The following CACNA2D3 variants were observed in gnomAD, a reference collection of about 807,000 sequenced individuals.
CACNA2D3 encodes calcium voltage-gated channel auxiliary subunit alpha2delta 3.
In CACNA2D3, 60 loss-of-function variants were observed where a neutral mutation model predicts 160.6. The observed-to-expected ratio is 0.37, with a 90% CI of 0.30 to 0.46. The LOEUF is 0.46. CACNA2D3 is among the 20% of genes least tolerant of loss of function. The pLI is 1.00. For synonymous variants in CACNA2D3, 558 were observed against 492.9 expected (o/e 1.13, Z -1.75); for missense variants, 1,205 against 1,365.0 (o/e 0.88, Z 1.85).
intron 5 of CACNA2D3, among the ~76,000 whole-genome samples, chr3:54,539,805 G>T (rs956712574): frequency 9.2e-5 from 14 of 152,176 alleles, no homozygotes; most frequent in African/African-American, 2.9e-4. Context: ...TGTTTAACTG[G>T]GAGACTGGTG....
intron 3 of CACNA2D3, among the ~76,000 whole-genome samples, chr3:54,332,614 C>A (rs921198478): frequency 2.0e-5 from 3 of 150,750 alleles, no homozygotes; most frequent in Non-Finnish European, 4.4e-5. Context: ...TAATGCCTGT[C>A]GGGAGTGGGA....
intron 17 of CACNA2D3, among the ~76,000 whole-genome samples, chr3:54,859,972 G>GCGCACGCACACA (rs535185040): frequency 1.5e-5 from 2 of 133,788 alleles, no homozygotes; most frequent in African/African-American, 5.6e-5. Flanking sequence ...GAAAGTAGAT[G>GCGCACGCACACA]CACACACACA....
chr3:54,834,203 G>GA (rs1015606200), intron 14 of CACNA2D3, among the ~76,000 whole-genome samples: 5 of 152,082 alleles, frequency 3.3e-5, no homozygotes, highest in African/African-American at 9.7e-5. Context: ...CTGGTTGCAG[G>GA]AAAAAGGCTT....
intron 4 of CACNA2D3, among the ~76,000 whole-genome samples, chr3:54,452,689 A>T (rs1293220378): frequency 1.3e-5 from 2 of 152,194 alleles, no homozygotes; most frequent in East Asian, 3.9e-4. Flanking sequence ...GGGCTTCTGT[A>T]ACAAAATACC....
At chr3:54,334,298 G>A (rs985459265) in intron 3 of CACNA2D3, among the ~76,000 whole-genome samples, 3 of 152,126 alleles carry the variant, frequency 2.0e-5, no homozygotes, top group Non-Finnish European at 4.4e-5. Flanking sequence ...TGTTGGCCAG[G>A]CTGGTCTTGA....
chr3:54,471,589 T>G lies in CACNA2D3; in HGVS notation c.382-31903T>G, dbSNP rs537627849. On this transcript the variant is annotated intron_variant, in intron 4 of 37. Coordinates refer to ENST00000474759, the MANE Select transcript of CACNA2D3 (RefSeq NM_018398.3). Reference sequence around the variant, plus strand: ...AAGGAGATAGAGATACGAAAACTCTTCAAAATAATCAGTGAATCCAGGAGC... The same window carrying G: ...AAGGAGATAGAGATACGAAAACTCTGCAAAATAATCAGTGAATCCAGGAGC... Among the ~76,000 whole-genome samples the G allele has an allele frequency of 8.5e-5, 13 of 152,050 alleles. No individual in the cohort carries two copies. In the South Asian group the frequency reaches 1.9e-3, roughly 22 times the overall value.
chr3:54,172,013 G>A (rs1700580953), intron 2 of CACNA2D3, among the ~76,000 whole-genome samples: 1 of 152,184 alleles, frequency 6.6e-6, no homozygotes, highest in Non-Finnish European at 1.5e-5. Flanking sequence ...CAAAGAGAAA[G>A]CTCTCTCTTA....
At chr3:54,709,881 T>A (rs1210988290) in intron 11 of CACNA2D3, among the ~76,000 whole-genome samples, 1 of 152,186 alleles carries the variant, frequency 6.6e-6, no homozygotes, top group Non-Finnish European at 1.5e-5. Flanking sequence ...AGCCATGGAT[T>A]GCCACTGCAC....
intron 11 of CACNA2D3, among the ~76,000 whole-genome samples, chr3:54,680,111 T>C (rs531699942): frequency 6.6e-6 from 1 of 152,212 alleles, no homozygotes; most frequent in Admixed American, 6.5e-5. Flanking sequence ...TAGGGCATGG[T>C]TGGGGGAGGT....
chr3:54,463,365 G>A (rs1700545099), intron 4 of CACNA2D3, among the ~76,000 whole-genome samples: 1 of 152,218 alleles, frequency 6.6e-6, no homozygotes, highest in African/African-American at 2.4e-5. Context: ...ATATCCTGCA[G>A]AGTGTTTTCC....
At chr3:54,390,937 C>T (rs551942998) in intron 4 of CACNA2D3, among the ~76,000 whole-genome samples, 2 of 151,920 alleles carry the variant, frequency 1.3e-5, no homozygotes, top group Admixed American at 1.3e-4. Context: ...TGTGAAATAA[C>T]GCTGAGAAGG....
At chr3:54,955,847 C>A (rs1701876281) in intron 27 of CACNA2D3, among the ~76,000 whole-genome samples, 1 of 152,144 alleles carries the variant, frequency 6.6e-6, no homozygotes, top group Non-Finnish European at 1.5e-5. Flanking sequence ...CCAGCTAAGC[C>A]TGCTCACGAA....
chr3:54,924,228 T>C (rs1032002514), intron 27 of CACNA2D3, among the ~76,000 whole-genome samples: 1 of 152,096 alleles, frequency 6.6e-6, no homozygotes, highest in Non-Finnish European at 1.5e-5. Flanking sequence ...GAGAGAAAAA[T>C]ATCCCAGAGA....
At chr3:54,522,608 G>A (rs1027449171) in intron 5 of CACNA2D3, among the ~76,000 whole-genome samples, 3 of 152,134 alleles carry the variant, frequency 2.0e-5, no homozygotes, top group Non-Finnish European at 4.4e-5. Context: ...CAGAGACTGG[G>A]AAGTCCAAGA....
intron 2 of CACNA2D3, among the ~76,000 whole-genome samples, chr3:54,302,456 A>G (rs1399845136): frequency 1.3e-5 from 2 of 152,144 alleles, no homozygotes; most frequent in Admixed American, 6.5e-5. Context: ...GCTTCCAGGG[A>G]AAAATTCGGC....
chr3:54,512,757 C>G (rs1297335776), intron 5 of CACNA2D3, among the ~76,000 whole-genome samples: 3 of 152,176 alleles, frequency 2.0e-5, no homozygotes, highest in Non-Finnish European at 4.4e-5. Context: ...TCCCAGGAAG[C>G]TTGGTGTCTA....
chr3:54,712,539 CTT>C (rs1163037051), intron 11 of CACNA2D3, among the ~76,000 whole-genome samples: 4 of 152,210 alleles, frequency 2.6e-5, no homozygotes, highest in African/African-American at 9.7e-5. Context: ...GCTCCATTCT[CTT>C]GTCTGCCACC....
chr3:54,140,959 T>C (rs1006520991), intron 2 of CACNA2D3, among the ~76,000 whole-genome samples: 1 of 152,152 alleles, frequency 6.6e-6, no homozygotes, highest in African/African-American at 2.4e-5. Flanking sequence ...GAGGTCTGCC[T>C]GGTCCTCAGC....
chr3:54,345,097 A>G (rs1275691435), intron 3 of CACNA2D3, among the ~76,000 whole-genome samples: 1 of 152,224 alleles, frequency 6.6e-6, no homozygotes, highest in Admixed American at 6.5e-5. Flanking sequence ...TTGTCAAGAA[A>G]TAACCATAAA....
Sources: allele counts gnomAD v4.1 joint callset (sites outside exome capture counted in the v4.1 genomes callset), GRCh38; gene constraint gnomAD v4.1.1; transcripts MANE v1.5; gene names NCBI Gene and HGNC (gene_info 2026-07-23, HGNC 2026-07-21).